The following NCALD variants were observed in gnomAD, a reference collection of about 807,000 sequenced individuals.
The protein encoded by NCALD is neurocalcin-delta.
In NCALD, 10 loss-of-function variants were observed where a neutral mutation model predicts 18.6. The ratio of observed to expected loss-of-function variants is 0.54; its 90% CI spans 0.33 to 0.91. The LOEUF is 0.91. NCALD is among the 40% of genes least tolerant of loss of function. The probability of loss-of-function intolerance (pLI) is 0.03; values close to 1 mark genes in which losing one functional copy is unlikely to be tolerated. For missense variants in NCALD, 184 were observed against 247.6 expected (o/e 0.74, Z 1.72); for synonymous variants, 88 against 87.4 (o/e 1.01, Z -0.04).
At chr8:101,757,293 G>T (rs377105537) in intron 1 of NCALD, among the ~76,000 whole-genome samples, 42 of 152,266 alleles carry the variant, frequency 2.8e-4, no homozygotes, top group African/African-American at 1.0e-3. Flanking sequence ...CTTTTAAAAA[G>T]AAAAGTAACT....
At chr8:101,978,804 G>C (rs1820517127) in intron 2 of NCALD, among the ~76,000 whole-genome samples, 1 of 152,184 alleles carries the variant, frequency 6.6e-6, no homozygotes, top group Non-Finnish European at 1.5e-5. Flanking sequence ...GCTGAGGAGA[G>C]GGAGGAAGAA....
chr8:101,759,905 C>A (rs140152787), intron 1 of NCALD, among the ~76,000 whole-genome samples: 7 of 152,286 alleles, frequency 4.6e-5, no homozygotes, highest in Non-Finnish European at 1.0e-4. Flanking sequence ...CCTGATTAAA[C>A]AATACCTAGC....
intron 3 of NCALD, among the ~76,000 whole-genome samples, chr8:101,890,793 G>A (rs1346924512): frequency 6.6e-6 from 1 of 152,188 alleles, no homozygotes; most frequent in African/African-American, 2.4e-5. Flanking sequence ...AGTTATAGCA[G>A]TACAGACAGA....
chr8:101,709,113 C>T (rs184682307), intron 2 of NCALD, among the ~76,000 whole-genome samples: 5 of 152,336 alleles, frequency 3.3e-5, no homozygotes, highest in African/African-American at 7.2e-5. Flanking sequence ...AGCGGGCCTG[C>T]GCATAGGGGC....
rs146327861 is a variant in NCALD, at chr8:101,960,331, C to T, written c.-156-44473G>A. On this transcript the variant is annotated intron_variant, in intron 2 of 6. Coordinates refer to the NCALD transcript ENST00000311028. ...TACCCAGGGAAAAAATAAGTTCCCT[C>T]GGTAGAGTAGGATGCAGTGAAGAAT... Among the ~76,000 whole-genome samples the T allele has an allele frequency of 1.6e-3, 236 of 152,162 alleles. 2 individuals carry two copies. Among genetic ancestry groups the T allele is most frequent in the Non-Finnish European group, 3.0e-3 (206 of 67,984 alleles).
chr8:101,888,397 T>TTATTTATA (rs1816751584), intron 3 of NCALD, among the ~76,000 whole-genome samples: 1 of 151,264 alleles, frequency 6.6e-6, no homozygotes, highest in South Asian at 2.1e-4. Context: ...ACTTTCTTTT[T>TTATTTATA]TATTTATTTA....
At chr8:102,002,734 C>G (rs186189006) in intron 2 of NCALD, among the ~76,000 whole-genome samples, 2 of 152,198 alleles carry the variant, frequency 1.3e-5, no homozygotes, top group East Asian at 3.9e-4. Context: ...CATTCAAAAC[C>G]GCTCAACTAC....
rs753636872 is a variant in NCALD, at chr8:101,693,019, C to T, written c.379-123G>A. 9 of 673,312 alleles carry T rather than the reference C, an allele frequency of 1.3e-5. 1 individual carries two copies. The South Asian group carries it at 1.3e-4, about 10-fold the overall frequency. 41.7% of individuals were successfully genotyped at this position (673,312 alleles called of 1,614,324 possible). A position where few individuals can be genotyped will look rare whatever the true frequency, so the allele number is the denominator to read the frequency against. ...CCCATCCGCATTGGACCTAGTCCTA[C>T]CCCTATTGATTGGTATAAGATGTGG... On this transcript the variant is annotated intron_variant, in intron 2 of 3. Transcript: ENST00000220931.
At chr8:101,714,487 AAG>A (rs1815967502) in intron 2 of NCALD, among the ~76,000 whole-genome samples, 1 of 152,208 alleles carries the variant, frequency 6.6e-6, no homozygotes, top group East Asian at 1.9e-4. Context: ...TCAAGGAAAT[AAG>A]AGAGGACATA....
chr8:101,969,107 A>C (rs74336192), intron 2 of NCALD, among the ~76,000 whole-genome samples: 6,247 of 152,322 alleles, frequency 0.041, 180 homozygotes, highest in African/African-American at 0.084. Context: ...CCCAGGGCTG[A>C]GCCGAGCACA....
intron 2 of NCALD, among the ~76,000 whole-genome samples, chr8:101,697,643 T>A (rs188076803): frequency 1.3e-3 from 201 of 152,194 alleles, no homozygotes; most frequent in Non-Finnish European, 2.0e-3. Context: ...GTTCAACATA[T>A]GCAAATAAAT....
intron 2 of NCALD, among the ~76,000 whole-genome samples, chr8:101,703,937 G>A (rs1213420988): frequency 6.6e-6 from 1 of 152,164 alleles, no homozygotes; most frequent in Non-Finnish European, 1.5e-5. Context: ...CCAAGTGAAA[G>A]GATTAGAGGA....
At chr8:101,987,466 G>C (rs1478428697) in intron 2 of NCALD, among the ~76,000 whole-genome samples, 1 of 152,064 alleles carries the variant, frequency 6.6e-6, no homozygotes, top group East Asian at 1.9e-4. Flanking sequence ...GCACTGCATC[G>C]TGCACGTCTC....
intron 1 of NCALD, among the ~76,000 whole-genome samples, chr8:101,748,214 T>C (rs73699930): frequency 0.018 from 2,760 of 152,192 alleles, 108 homozygotes; most frequent in East Asian, 0.12. Context: ...CCATGGCTTA[T>C]TAAAAAGGGA....
chr8:101,999,591 C>T (rs1057256476), intron 2 of NCALD, among the ~76,000 whole-genome samples: 2 of 151,820 alleles, frequency 1.3e-5, no homozygotes, highest in Non-Finnish European at 2.9e-5. Flanking sequence ...GATGGGTGCA[C>T]CAAAATCTCA....
chr8:102,008,802 T>G (rs1399256177), intron 2 of NCALD, among the ~76,000 whole-genome samples: 2 of 152,132 alleles, frequency 1.3e-5, no homozygotes, highest in Non-Finnish European at 2.9e-5. Context: ...TGGGTCTTCA[T>G]TTCCTTGTAA....
chr8:101,899,893 G>A (rs1013568894), intron 3 of NCALD, among the ~76,000 whole-genome samples: 1 of 151,668 alleles, frequency 6.6e-6, no homozygotes, highest in Non-Finnish European at 1.5e-5. Context: ...AAAATGAATT[G>A]GGAAATATTT....
At chr8:101,738,331 G>T (rs1419802449) in intron 1 of NCALD, among the ~76,000 whole-genome samples, 1 of 152,110 alleles carries the variant, frequency 6.6e-6, no homozygotes, top group Non-Finnish European at 1.5e-5. Context: ...ATCACCTGAG[G>T]TCAAGAGTTC....
chr8:102,082,466 A>C (rs1331772210), intron 1 of NCALD, among the ~76,000 whole-genome samples: 1 of 151,988 alleles, frequency 6.6e-6, no homozygotes, highest in Non-Finnish European at 1.5e-5. Flanking sequence ...GGAGCTTCTT[A>C]TTGCAAAATT....
Sources: allele counts gnomAD v4.1 joint callset (sites outside exome capture counted in the v4.1 genomes callset), GRCh38; gene constraint gnomAD v4.1.1; transcripts MANE v1.5; gene names NCBI Gene and HGNC (gene_info 2026-07-23, HGNC 2026-07-21).